Variants in DAB1 observed in about 807,000 individuals in gnomAD.
The protein encoded by DAB1 is DAB adaptor protein 1, also known as disabled homolog 1.
Under a neutral mutation model 64.6 loss-of-function variants are expected in DAB1, and 15 were observed. The observed-to-expected ratio is 0.23, with a 90% CI of 0.16 to 0.36. The LOEUF (loss-of-function observed/expected upper bound fraction) is 0.36, where lower values mean the gene tolerates loss of function less well. DAB1 is among the 10% of genes least tolerant of loss of function. The pLI, the probability that DAB1 is intolerant of heterozygous loss-of-function variation, is 1.00. For missense variants in DAB1, 596 were observed against 706.7 expected (o/e 0.84, Z 1.78); for synonymous variants, 235 against 251.9 (o/e 0.93, Z 0.64).
intron 4 of DAB1, among the ~76,000 whole-genome samples, chr1:58,247,558 G>A (rs1485226930): frequency 6.6e-6 from 1 of 152,186 alleles, no homozygotes; most frequent in Non-Finnish European, 1.5e-5. Context: ...GTGGTACAAT[G>A]TGTATTTCAC....
intron 1 of DAB1, among the ~76,000 whole-genome samples, chr1:57,361,657 G>T (rs1679561713): frequency 6.6e-6 from 1 of 151,998 alleles, no homozygotes; most frequent in South Asian, 2.1e-4. Context: ...GTATACATAT[G>T]TCATTCAGTT....
intron 5 of DAB1, among the ~76,000 whole-genome samples, chr1:57,984,928 A>C (rs1189492967): frequency 6.8e-6 from 1 of 147,002 alleles, no homozygotes; most frequent in Non-Finnish European, 1.5e-5. Flanking sequence ...TTTTTTTTTG[A>C]GATGGAGTCT....
At chr1:57,606,171 C>T (rs1031864762) in intron 7 of DAB1, 2 of 208,456 alleles carry the variant, frequency 9.6e-6, no homozygotes, top group Non-Finnish European at 9.9e-6. Flanking sequence ...CCACCTCCGG[C>T]TCCATGAGTG....
intron 6 of DAB1, among the ~76,000 whole-genome samples, chr1:57,670,910 C>G (rs1268441005): frequency 6.6e-6 from 1 of 152,092 alleles, no homozygotes; most frequent in Non-Finnish European, 1.5e-5. Flanking sequence ...GTTCATGTCC[C>G]TTACATAAAA....
chr1:58,017,818 A>G (rs1646762050), intron 5 of DAB1, among the ~76,000 whole-genome samples: 1 of 152,134 alleles, frequency 6.6e-6, no homozygotes, highest in South Asian at 2.1e-4. Flanking sequence ...GAGGCACATG[A>G]GCTCATGGTA....
chr1:58,198,210 A>G (rs964420626), intron 4 of DAB1, among the ~76,000 whole-genome samples: 1 of 152,268 alleles, frequency 6.6e-6, no homozygotes, highest in Non-Finnish European at 1.5e-5. Context: ...AGGAACTCAA[A>G]GCCACCTTTT....
At chr1:57,976,954 A>G (rs1645935368) in intron 5 of DAB1, among the ~76,000 whole-genome samples, 1 of 152,124 alleles carries the variant, frequency 6.6e-6, no homozygotes, top group South Asian at 2.1e-4. Context: ...CCACAATAAG[A>G]TGCCTCTGGT....
intron 1 of DAB1, among the ~76,000 whole-genome samples, chr1:57,302,063 A>G (rs1247696135): frequency 6.6e-6 from 1 of 152,146 alleles, no homozygotes; most frequent in Non-Finnish European, 1.5e-5. Context: ...CTTGCTAATG[A>G]TTTGCTAGTC....
chr1:57,856,488 C>T (rs746620188), intron 1 of DAB1, among the ~76,000 whole-genome samples: 4 of 152,128 alleles, frequency 2.6e-5, no homozygotes, highest in African/African-American at 4.8e-5. Context: ...TTGTGCCAGG[C>T]GCAGTGGCTC....
chr1:57,904,648 C>A (rs1265159054), intron 5 of DAB1, among the ~76,000 whole-genome samples: 1 of 152,140 alleles, frequency 6.6e-6, no homozygotes, highest in African/African-American at 2.4e-5. Flanking sequence ...TAGGAAGAAA[C>A]TAGTCCTATG....
At chr1:58,280,047 C>G (rs1364328409) in intron 4 of DAB1, among the ~76,000 whole-genome samples, 1 of 152,068 alleles carries the variant, frequency 6.6e-6, no homozygotes, top group Non-Finnish European at 1.5e-5. Context: ...GAAAGAATTA[C>G]CTTCAGCCAA....
intron 4 of DAB1, among the ~76,000 whole-genome samples, chr1:58,200,836 G>C (rs1464230270): frequency 6.6e-6 from 1 of 152,112 alleles, no homozygotes; most frequent in East Asian, 1.9e-4. Context: ...ACCAAAACAT[G>C]AGTTGTTTAA....
At chr1:57,732,218 T>C (rs1647465070) in intron 6 of DAB1, among the ~76,000 whole-genome samples, 1 of 152,190 alleles carries the variant, frequency 6.6e-6, no homozygotes, top group African/African-American at 2.4e-5. Flanking sequence ...TGGCCCTCCA[T>C]GGCCTCACCT....
chr1:58,181,281 T>C (rs1169914746), intron 4 of DAB1, among the ~76,000 whole-genome samples: 1 of 152,140 alleles, frequency 6.6e-6, no homozygotes, highest in Admixed American at 6.5e-5. Context: ...TCTATTTTGG[T>C]TGTTTGCATG....
At chr1:58,514,740 C>T (rs1646133936) in intron 2 of DAB1, among the ~76,000 whole-genome samples, 1 of 152,002 alleles carries the variant, frequency 6.6e-6, no homozygotes, top group Non-Finnish European at 1.5e-5. Context: ...GTAAAGGGAC[C>T]AAAACAGATA....
chr1:57,247,618 G>A (rs557901461), intron 2 of DAB1, among the ~76,000 whole-genome samples: 5 of 152,320 alleles, frequency 3.3e-5, no homozygotes, highest in East Asian at 1.9e-4. Context: ...AGAGACTGTA[G>A]GATGTTTCTA....
At chr1:57,002,533 CAAG>C (rs576613054) in intron 14 of DAB1, among the ~76,000 whole-genome samples, 13 of 152,280 alleles carry the variant, frequency 8.5e-5, no homozygotes, top group Admixed American at 1.3e-4. Context: ...ATCTGGAAGG[CAAG>C]AAGAACAGAG....
intron 4 of DAB1, among the ~76,000 whole-genome samples, chr1:58,235,967 A>G (rs1660010405): frequency 6.6e-6 from 1 of 152,184 alleles, no homozygotes; most frequent in Middle Eastern, 3.2e-3. Flanking sequence ...TGCTTCCACA[A>G]GCCACCTCGG....
At chr1:57,339,281 G>A (rs373906964) in intron 1 of DAB1, among the ~76,000 whole-genome samples, 76 of 151,944 alleles carry the variant, frequency 5.0e-4, no homozygotes, top group African/African-American at 1.8e-3. Flanking sequence ...TCGGCCTCCC[G>A]AGCAGCTGGG....
Sources: gnomAD v4.1 joint callset for allele counts (sites outside exome capture counted in the v4.1 genomes callset) on GRCh38, gnomAD v4.1.1 for gene constraint, MANE v1.5 for transcripts, NCBI Gene and HGNC (gene_info 2026-07-23, HGNC 2026-07-21) for gene names.